Variants in WRNIP1 observed in about 807,000 individuals in gnomAD.
The protein encoded by WRNIP1 is WRN helicase interacting protein 1, also known as ATPase WRNIP1.
A neutral mutation model predicts 56.1 loss-of-function variants in WRNIP1; 41 were observed. The observed-to-expected ratio is 0.73, with a 90% CI of 0.57 to 0.95. The LOEUF is 0.95. Ranked by LOEUF, WRNIP1 falls within the 40% of genes least tolerant of loss-of-function variation. WRNIP1 has a pLI of 0.00. For synonymous variants in WRNIP1, 547 were observed against 398.1 expected (o/e 1.37, Z -4.45); for missense variants, 1,170 against 939.4 (o/e 1.25, Z -3.21).
chr6:2,783,498 G>T lies in WRNIP1; in HGVS notation c.1579G>T (p.Glu527Ter). ...ASLYWLARML[E>*]GGEDPLYVAR... ...CCTCTACTGGCTGGCTCGCATGCTC[G>T]AGGGAGGAGAGGACCCACTCTACGT... Residue 527 changes from glutamate (E) to a stop codon, truncating the protein, a stop_gained, in exon 5 of 7, where the codon GAG becomes TAG. Coordinates refer to ENST00000380773, the MANE Select transcript of WRNIP1 (RefSeq NM_020135.3). LOFTEE classifies it high-confidence loss of function. The T allele has an allele frequency of 6.2e-7, 1 of 1,613,950 alleles. No homozygotes were observed.
rs199966810 is a variant in WRNIP1, at chr6:2,779,465, C to T, written c.1459C>T (p.Arg487Ter). 2 of 1,614,014 alleles carry T rather than the reference C, an allele frequency of 1.2e-6. No individual in the cohort carries two copies. The highest frequency in any genetic ancestry group is 8.5e-7 in the Non-Finnish European group (1 of 1,179,972). ...GAATGACGTGAAGGAGGGCCTACAG[C>T]GATCCCACATTTTATATGACCGGGC... is the stretch of plus-strand genomic sequence containing the variant. ...TENDVKEGLQ[R>*]SHILYDRAGE... The change falls in exon 4 of 7, where the codon CGA becomes TGA. Residue 487 changes from arginine to a stop codon, truncating the protein, a stop_gained. Coordinates refer to ENST00000380773, the MANE Select transcript of WRNIP1 (RefSeq NM_020135.3). LOFTEE classifies it high-confidence loss of function.
chr6:2,780,281 T>C (rs1765524656), intron 4 of WRNIP1, among the ~76,000 whole-genome samples: 1 of 152,234 alleles, frequency 6.6e-6, no homozygotes, highest in Non-Finnish European at 1.5e-5. Flanking sequence ...AGGCTGATAA[T>C]TGAATGTTCC....
intron 3 of WRNIP1, among the ~76,000 whole-genome samples, chr6:2,774,693 G>A (rs160667): frequency 0.014 from 2,133 of 152,300 alleles, 85 homozygotes; most frequent in East Asian, 0.12. Context: ...CCCCTACCAA[G>A]TATAATGTAA....
chr6:2,765,635 G>A lies in WRNIP1; in HGVS notation c.13G>A (p.Gly5Arg), dbSNP rs773086796. MEVS[G>R]PEDDPFLSQL... ...GGCGGCGGCCGCCATGGAGGTGAGC[G>A]GGCCGGAAGACGACCCCTTCCTTTC... Residue 5 changes from glycine (G) to arginine (R), a missense_variant, in exon 1 of 7, where the codon GGG (glycine) becomes AGG (arginine). Transcript: ENST00000380773. The A allele has an allele frequency of 6.5e-7, 1 of 1,537,252 alleles. No homozygotes were observed. The highest frequency in any genetic ancestry group is 1.2e-5 in the South Asian group (1 of 86,310).
chr6:2,767,576 A>G (rs975716881), intron 1 of WRNIP1, among the ~76,000 whole-genome samples: 1 of 152,246 alleles, frequency 6.6e-6, no homozygotes, highest in Admixed American at 6.5e-5. Context: ...ACATCTTATG[A>G]TGATGGTGGT....
chr6:2,769,130 C>T (rs1765168740), intron 2 of WRNIP1, among the ~76,000 whole-genome samples: 1 of 152,086 alleles, frequency 6.6e-6, no homozygotes, highest in East Asian at 1.9e-4. Flanking sequence ...CAGAAAAGCA[C>T]CTTTGAATCA....
At chr6:2,766,717 C>G (rs1188717660) in intron 1 of WRNIP1, among the ~76,000 whole-genome samples, 1 of 152,204 alleles carries the variant, frequency 6.6e-6, no homozygotes, top group Admixed American at 6.5e-5. Flanking sequence ...AAGATGTGGA[C>G]TCTTAGATTT....
chr6:2,778,739 TTTG>T (rs1243302257), intron 3 of WRNIP1, among the ~76,000 whole-genome samples: 1 of 152,090 alleles, frequency 6.6e-6, no homozygotes, highest in African/African-American at 2.4e-5. Flanking sequence ...AGGGACCCAA[TTTG>T]TTGTTTTTAA....
chr6:2,765,867 A>G lies in WRNIP1; in HGVS notation c.245A>G (p.Gln82Arg), dbSNP rs1370621519. 7 of 1,443,014 alleles carry G rather than the reference A, an allele frequency of 4.9e-6. No individual in the cohort carries two copies. The highest frequency in any genetic ancestry group is 1.4e-5 in the South Asian group (1 of 74,032). The allele number at this position is 1,443,014 out of a possible 1,614,324, so 89.4% of individuals were successfully genotyped here. Residue 82 changes from glutamine to arginine, a missense_variant, in exon 1 of 7, where the codon CAG becomes CGG. Gln to Arg is a conservative substitution (Grantham distance 43). Transcript: ENST00000380773. ...CTGTCGGAGAGCTCGGCGCTGAAGCAGCCAGCCACCCCGACGGCAGCCGAG... is the reference window on the plus strand; with the variant it reads ...CTGTCGGAGAGCTCGGCGCTGAAGCGGCCAGCCACCCCGACGGCAGCCGAG... Reference protein sequence around the residue: ...RRLSESSALKQPATPTAAESS... With the variant: ...RRLSESSALKRPATPTAAESS...
intron 1 of WRNIP1, among the ~76,000 whole-genome samples, chr6:2,766,932 C>A (rs1314007744): frequency 6.6e-6 from 1 of 152,134 alleles, no homozygotes; most frequent in South Asian, 2.1e-4. Context: ...GTTTAACAGA[C>A]TGGTATTTAT....
intron 3 of WRNIP1, among the ~76,000 whole-genome samples, chr6:2,772,556 C>T (rs907764799): frequency 3.9e-5 from 6 of 152,144 alleles, no homozygotes; most frequent in African/African-American, 1.4e-4. Context: ...GGGATAATTA[C>T]CCAGGTATCA....
At chr6:2,766,522 G>C in intron 1 of WRNIP1, 78 bp downstream of exon 1, 1 of 1,425,420 alleles carries the variant, frequency 7.0e-7, no homozygotes, top group Non-Finnish European at 9.3e-7. Flanking sequence ...AGCCGGGTGT[G>C]CTGCCCTCGA....
Position 2,765,655 on chromosome 6 carries a change from C to A in WRNIP1, c.33C>A (p.Phe11Leu). ...TGAGCGGGCCGGAAGACGACCCCTT[C>A]CTTTCGCAGCTGCACCAGGTGCAGT... MEVSGPEDDP[F>L]LSQLHQVQCP... Residue 11 changes from phenylalanine (F) to leucine (L), a missense_variant, in exon 1 of 7, where the codon TTC becomes TTA. Coordinates refer to ENST00000380773, the MANE Select transcript of WRNIP1 (RefSeq NM_020135.3). The A allele has an allele frequency of 6.5e-7, 1 of 1,546,746 alleles. No individual in the cohort carries two copies. The highest frequency in any genetic ancestry group is 1.1e-5 in the South Asian group (1 of 87,438).
At chr6:2,766,507 C>A in intron 1 of WRNIP1, 63 bp downstream of exon 1, 1 of 1,436,450 alleles carries the variant, frequency 7.0e-7, no homozygotes. Context: ...AGCTGATGGT[C>A]GGAGAGCCGG....
At position 2,768,679 on chromosome 6, in the gene WRNIP1, C is replaced by T. The variant is rs752807981; in HGVS notation, c.823-12C>T. On this transcript the variant is annotated splice_polypyrimidine_tract_variant and intron_variant, in intron 1 of 6. Coordinates refer to ENST00000380773, the MANE Select transcript of WRNIP1 (RefSeq NM_020135.3). The stretch of plus-strand genomic sequence containing the variant: ...CCAGCTTTTCAAACTCCATGTATGT[C>T]ATCTTTTCTAGACCACTCTGGCTCA... 1.6e-5 allele frequency: 25 copies of T among 1,585,872 alleles called. No individual in the cohort carries two copies. Among genetic ancestry groups the T allele is most frequent in the Admixed American group, 1.4e-4 (8 of 56,194 alleles).
At chr6:2,774,186 C>T (rs1339528607) in intron 3 of WRNIP1, 9 of 985,310 alleles carry the variant, frequency 9.1e-6, no homozygotes, top group Middle Eastern at 5.2e-4. Flanking sequence ...AGTACATTAA[C>T]ATAGCTGTTT....
chr6:2,783,996 G>T (rs1765646689), intron 5 of WRNIP1, among the ~76,000 whole-genome samples: 1 of 152,070 alleles, frequency 6.6e-6, no homozygotes, highest in Non-Finnish European at 1.5e-5. Context: ...TTGGTCTTAG[G>T]GGATGTTTTG....
At chr6:2,768,087 G>T (rs960268866) in intron 1 of WRNIP1, among the ~76,000 whole-genome samples, 20 of 152,076 alleles carry the variant, frequency 1.3e-4, no homozygotes, top group African/African-American at 4.8e-4. Context: ...GCTTTACCTG[G>T]GTCTCCTTGG....
rs1739156874 is a variant in WRNIP1, at chr6:2,779,592, G to A, written c.1486+100G>A. On this transcript the variant is annotated intron_variant, in intron 4 of 6. Transcript: ENST00000380773. ...CTGACTGGGTTCCGGAAGCATTCCAGCTGGGTCCAGAGCATTCCAGTGATT... is the reference window on the plus strand; with the variant it reads ...CTGACTGGGTTCCGGAAGCATTCCAACTGGGTCCAGAGCATTCCAGTGATT... 3.2e-6 allele frequency: 4 copies of A among 1,269,370 alleles called. No individual in the cohort carries two copies. The South Asian group carries it at 5.6e-5, about 18-fold the overall frequency. The allele number at this position is 1,269,370 out of a possible 1,614,324, so 78.6% of individuals were successfully genotyped here.
Sources: gnomAD v4.1 joint callset for allele counts (sites outside exome capture counted in the v4.1 genomes callset) on GRCh38, gnomAD v4.1.1 for gene constraint, MANE v1.5 for transcripts, NCBI Gene and HGNC (gene_info 2026-07-23, HGNC 2026-07-21) for gene names.